The following KCNC2 variants were observed in gnomAD, a reference collection of about 807,000 sequenced individuals.
The protein encoded by KCNC2 is voltage-gated potassium channel KCNC2.
In KCNC2, 21 loss-of-function variants were observed where a neutral mutation model predicts 44.5. The observed-to-expected ratio is 0.47, with a 90% CI of 0.33 to 0.68. The LOEUF is 0.68. Among genes scored for constraint, KCNC2 ranks in the 30% least tolerant of loss-of-function variants. The pLI is 0.01. For missense variants in KCNC2, 589 were observed against 826.2 expected (o/e 0.71, Z 3.52); for synonymous variants, 391 against 339.1 (o/e 1.15, Z -1.68).
intron 2 of KCNC2, among the ~76,000 whole-genome samples, chr12:75,123,553 T>C (rs1042107024): frequency 3.3e-5 from 5 of 152,148 alleles, no homozygotes; most frequent in Non-Finnish European, 2.9e-5. Context: ...AGGAAACCAA[T>C]AGAGCAACAT....
At chr12:75,206,485 C>T (rs1173668696) in intron 2 of KCNC2, among the ~76,000 whole-genome samples, 1 of 152,146 alleles carries the variant, frequency 6.6e-6, no homozygotes, top group East Asian at 1.9e-4. Context: ...AAAAAGAACA[C>T]TGAGGCTGAA....
intron 2 of KCNC2, among the ~76,000 whole-genome samples, chr12:75,111,787 A>G (rs997513871): frequency 2.0e-5 from 3 of 152,090 alleles, no homozygotes; most frequent in Non-Finnish European, 4.4e-5. Context: ...ATACATGCAC[A>G]CTAAGATATT....
chr12:75,146,242 T>C (rs1248888737), intron 2 of KCNC2, among the ~76,000 whole-genome samples: 1 of 152,096 alleles, frequency 6.6e-6, no homozygotes, highest in Non-Finnish European at 1.5e-5. Context: ...GCAACAACCT[T>C]ACTGACTTTT....
At chr12:75,071,027 C>T (rs1031965789) in intron 2 of KCNC2, among the ~76,000 whole-genome samples, 7 of 151,782 alleles carry the variant, frequency 4.6e-5, no homozygotes, top group African/African-American at 1.7e-4. Flanking sequence ...GTACCTATTA[C>T]TTTTTTTGGT....
At chr12:75,143,883 T>C (rs988323336) in intron 2 of KCNC2, among the ~76,000 whole-genome samples, 3 of 152,220 alleles carry the variant, frequency 2.0e-5, no homozygotes, top group African/African-American at 7.2e-5. Context: ...TAATTAGACA[T>C]GTAAAACTAA....
At chr12:75,132,045 C>T (rs1888886998) in intron 2 of KCNC2, among the ~76,000 whole-genome samples, 1 of 152,114 alleles carries the variant, frequency 6.6e-6, no homozygotes, top group Admixed American at 6.5e-5. Flanking sequence ...ACTAATTTTA[C>T]ACAAGTTGGT....
At position 75,177,485 on chromosome 12, in the gene KCNC2, AT is replaced by A. The variant is rs146474593; in HGVS notation, c.687+29811del. Among the ~76,000 whole-genome samples, 11 of 151,664 alleles carry A rather than the reference AT, an allele frequency of 7.3e-5. No homozygotes were observed. In the South Asian group the frequency reaches 1.5e-3, roughly 20 times the overall value. ...CTGACTCAAAGTAGGTTAAAATATG[AT>A]TTTTTTTCAAATTTTATGAAAATCA... On this transcript the variant is annotated intron_variant, in intron 2 of 4. Transcript: ENST00000549446.
chr12:75,080,838 A>C (rs1884433791), intron 2 of KCNC2, among the ~76,000 whole-genome samples: 2 of 152,012 alleles, frequency 1.3e-5, no homozygotes, highest in South Asian at 4.1e-4. Flanking sequence ...TACTAGATTT[A>C]ATTGTTAGAT....
intron 2 of KCNC2, among the ~76,000 whole-genome samples, chr12:75,204,810 A>T (rs1332385463): frequency 6.6e-6 from 1 of 152,154 alleles, no homozygotes; most frequent in South Asian, 2.1e-4. Context: ...ATGGTGACTT[A>T]TGATTACTTT....
intron 2 of KCNC2, among the ~76,000 whole-genome samples, chr12:75,090,652 T>C (rs763354690): frequency 7.9e-5 from 12 of 151,714 alleles, no homozygotes; most frequent in Non-Finnish European, 1.5e-4. Context: ...TACCTGAATA[T>C]AAATCCATGT....
chr12:75,182,973 C>CA (rs1470053489), intron 2 of KCNC2, among the ~76,000 whole-genome samples: 8 of 152,168 alleles, frequency 5.3e-5, no homozygotes, highest in Admixed American at 1.3e-4. Context: ...GAATGAAGCA[C>CA]AGTGAGCCTA....
At chr12:75,141,791 C>A (rs1889672979) in intron 2 of KCNC2, among the ~76,000 whole-genome samples, 1 of 152,028 alleles carries the variant, frequency 6.6e-6, no homozygotes, top group African/African-American at 2.4e-5. Flanking sequence ...TACTATGTAC[C>A]AGAGTAAAAA....
chr12:75,053,786 T>A lies in KCNC2; in HGVS notation c.688-2469A>T, dbSNP rs1254920744. On this transcript the variant is annotated intron_variant, in intron 2 of 4. Coordinates refer to ENST00000549446, the MANE Select transcript of KCNC2 (RefSeq NM_139137.4). ...TTATATAATTAAATAATTATTTTTA[T>A]TATATATAACATATATAAATATATA... 2.0e-5 allele frequency among the ~76,000 whole-genome samples: 3 copies of A among 147,584 alleles called. No individual in the cohort carries two copies. In the East Asian group the frequency reaches 5.8e-4, roughly 29 times the overall value.
chr12:75,159,971 G>A (rs1891013234), intron 2 of KCNC2, among the ~76,000 whole-genome samples: 1 of 151,844 alleles, frequency 6.6e-6, no homozygotes, highest in Admixed American at 6.6e-5. Flanking sequence ...AAAAGTGAGT[G>A]CTAACTGAAA....
chr12:75,180,309 A>G (rs1162143277), intron 2 of KCNC2, among the ~76,000 whole-genome samples: 1 of 151,750 alleles, frequency 6.6e-6, no homozygotes. Flanking sequence ...GACCTCAAAA[A>G]TGTTTGTTGA....
At chr12:75,054,764 CTGAGAAGGTACAGAG>C (rs781692662) in intron 2 of KCNC2, among the ~76,000 whole-genome samples, 8 of 152,070 alleles carry the variant, frequency 5.3e-5, no homozygotes, top group Non-Finnish European at 1.0e-4. Flanking sequence ...CTTGGAGATA[CTGAGAAGGTACAGAG>C]TTTCCCATGG....
chr12:75,176,878 C>A (rs1175323576), intron 2 of KCNC2, among the ~76,000 whole-genome samples: 1 of 151,768 alleles, frequency 6.6e-6, no homozygotes, highest in Non-Finnish European at 1.5e-5. Flanking sequence ...TTCAAATATG[C>A]TCTTATCATC....
At chr12:75,062,499 GA>G (rs1256835027) in intron 2 of KCNC2, among the ~76,000 whole-genome samples, 1 of 151,882 alleles carries the variant, frequency 6.6e-6, no homozygotes, top group Non-Finnish European at 1.5e-5. Context: ...TCTACACAAG[GA>G]AAGAGAAATA....
chr12:75,128,543 T>C (rs941305470), intron 2 of KCNC2, among the ~76,000 whole-genome samples: 1 of 152,134 alleles, frequency 6.6e-6, no homozygotes, highest in Non-Finnish European at 1.5e-5. Context: ...AGAGCATATT[T>C]GCACATCAGG....
Sources: allele counts gnomAD v4.1 joint callset (sites outside exome capture counted in the v4.1 genomes callset), GRCh38; gene constraint gnomAD v4.1.1; transcripts MANE v1.5; gene names NCBI Gene and HGNC (gene_info 2026-07-23, HGNC 2026-07-21).